Variants in CUL2 observed in about 807,000 individuals in gnomAD.
CUL2 encodes cullin 2, also known as cullin-2.
A neutral mutation model predicts 110.2 loss-of-function variants in CUL2; 22 were observed. The observed-to-expected ratio is 0.20, with a 90% CI of 0.14 to 0.28. The LOEUF is 0.28. Among genes scored for constraint, CUL2 ranks in the 10% least tolerant of loss-of-function variants. The probability of loss-of-function intolerance (pLI) is 1.00; values close to 1 mark genes in which losing one functional copy is unlikely to be tolerated. For synonymous variants in CUL2, 279 were observed against 293.2 expected (o/e 0.95, Z 0.49); for missense variants, 631 against 905.5 (o/e 0.70, Z 3.89).
chr10:35,030,963 C>T (rs1428253662), intron 14 of CUL2, among the ~76,000 whole-genome samples: 1 of 152,102 alleles, frequency 6.6e-6, no homozygotes, highest in African/African-American at 2.4e-5. Context: ...AACCTGCTAC[C>T]ACTTATCGGT....
chr10:35,077,509 TAATAA>T (rs1448300534), intron 1 of CUL2, among the ~76,000 whole-genome samples: 3 of 150,526 alleles, frequency 2.0e-5, no homozygotes, highest in Non-Finnish European at 4.4e-5. Flanking sequence ...AAAATAATAA[TAATAA>T]AATAAAAAGA....
At chr10:35,074,260 A>G (rs1031001603) in intron 1 of CUL2, 12 of 1,507,086 alleles carry the variant, frequency 8.0e-6, no homozygotes, top group African/African-American at 1.4e-5. Context: ...TTCTACAGAC[A>G]GCATTCAGTT....
chr10:35,032,558 A>G (rs1287931942), intron 11 of CUL2, 64 bp from the exon 12 acceptor site: 3 of 1,291,724 alleles, frequency 2.3e-6, no homozygotes, highest in Non-Finnish European at 3.2e-6. Context: ...CTAGTTCAAT[A>G]TAAGCCATAA....
intron 2 of CUL2, among the ~76,000 whole-genome samples, 156 bp downstream of exon 2, chr10:35,071,043 A>C (rs2086663808): frequency 6.6e-6 from 1 of 152,208 alleles, no homozygotes; most frequent in African/African-American, 2.4e-5. Context: ...TCAAATACTG[A>C]TTGCCATAAA....
chr10:35,118,141 T>A (rs974687226), intron 1 of CUL2: 8 of 152,228 alleles, frequency 5.3e-5, no homozygotes, highest in Non-Finnish European at 1.0e-4. Context: ...ACCATTATAG[T>A]ATCATGCAGA....
intron 8 of CUL2, 26 bp downstream of exon 8, chr10:35,044,540 T>A (rs574893024): frequency 9.3e-6 from 13 of 1,405,282 alleles, no homozygotes; most frequent in Non-Finnish European, 1.3e-5. Context: ...AATAGATAAA[T>A]GTATTCGATA....
intron 8 of CUL2, among the ~76,000 whole-genome samples, chr10:35,044,051 C>CAAAA (rs534515519): frequency 2.5e-4 from 22 of 87,802 alleles, no homozygotes; most frequent in African/African-American, 9.1e-4. Context: ...ACCACATCTC[C>CAAAA]AAAAAAAAAA....
At chr10:35,085,424 C>T (rs931050183) in intron 1 of CUL2, among the ~76,000 whole-genome samples, 2 of 148,722 alleles carry the variant, frequency 1.3e-5, no homozygotes, top group African/African-American at 5.0e-5. Context: ...AGCGAGACAC[C>T]GTCCCAAAAA....
chr10:35,017,353 T>C (rs2085062533), intron 17 of CUL2, among the ~76,000 whole-genome samples: 1 of 151,868 alleles, frequency 6.6e-6, no homozygotes, highest in Non-Finnish European at 1.5e-5. Context: ...TTAATCTGAA[T>C]GTTTTCATAA....
At position 35,049,754 on chromosome 10, in the gene CUL2, A is replaced by G. The variant is rs746970624; in HGVS notation, c.435T>C (p.Asp145=). Reference sequence around the variant, plus strand: ...GTTCAACCATCAATTTCCTCCACATATCCAATGCTAGCTGCCGGGAAAAAC... The same window carrying G: ...GTTCAACCATCAATTTCCTCCACATGTCCAATGCTAGCTGCCGGGAAAAAC... The part of the protein sequence containing the change: ...PLMEIGELAL[D]MWRKLMVEPL... Residue 145 remains aspartate, a synonymous_variant, in exon 6 of 21, where the codon GAT becomes GAC. Transcript: ENST00000374749. 2 of 1,612,394 alleles carry G rather than the reference A, an allele frequency of 1.2e-6. No homozygotes were observed. The highest frequency in any genetic ancestry group is 1.7e-6 in the Non-Finnish European group (2 of 1,179,032).
upstream of CUL2, among the ~76,000 whole-genome samples, chr10:35,094,026 C>CT: frequency 6.6e-6 from 1 of 152,050 alleles, no homozygotes; most frequent in South Asian, 2.1e-4. Flanking sequence ...AATACAATAA[C>CT]TATTTATAGA....
In CUL2 at chr10:35,106,584, G is replaced by A. The variant is rs556870739; in HGVS notation, c.-50-5524C>T. Among the ~76,000 whole-genome samples the A allele has an allele frequency of 6.0e-5, 9 of 151,082 alleles. No homozygotes were observed. The East Asian group carries it at 1.6e-3, about 26-fold the overall frequency. On this transcript the variant is annotated intron_variant, in intron 1 of 5. Coordinates refer to the CUL2 transcript ENST00000685421. Reference sequence around the variant, plus strand: ...CCTGACCTCATGATCCGCCCACCTCGGCCTCCCAAAGTGCTGGGATTACAG... The same window carrying A: ...CCTGACCTCATGATCCGCCCACCTCAGCCTCCCAAAGTGCTGGGATTACAG...
chr10:35,125,666 TATC>T (rs1233217664), intron 1 of CUL2, among the ~76,000 whole-genome samples: 1 of 152,264 alleles, frequency 6.6e-6, no homozygotes, highest in Admixed American at 6.5e-5. Context: ...CGATTTTTGT[TATC>T]ATCAATATTA....
intron 19 of CUL2, among the ~76,000 whole-genome samples, chr10:35,012,361 C>G (rs2084924596): frequency 6.6e-6 from 1 of 152,140 alleles, no homozygotes; most frequent in South Asian, 2.1e-4. Context: ...AAGGAGGACA[C>G]AGCAATAATT....
At chr10:35,059,966 T>C (rs1015213742) in intron 4 of CUL2, among the ~76,000 whole-genome samples, 3 of 152,186 alleles carry the variant, frequency 2.0e-5, no homozygotes, top group African/African-American at 7.2e-5. Flanking sequence ...ACCAATTTAA[T>C]AGTACTAATT....
At chr10:35,056,547 G>A (rs1240188170) in intron 4 of CUL2, among the ~76,000 whole-genome samples, 1 of 152,072 alleles carries the variant, frequency 6.6e-6, no homozygotes, top group African/African-American at 2.4e-5. Context: ...CTCAGGAGAG[G>A]TCTTCCACTC....
At chr10:35,057,284 A>T (rs1310724098) in intron 4 of CUL2, among the ~76,000 whole-genome samples, 1 of 152,094 alleles carries the variant, frequency 6.6e-6, no homozygotes, top group Non-Finnish European at 1.5e-5. Flanking sequence ...ATAAAATTTA[A>T]ACTAACTTAC....
At position 35,062,923 on chromosome 10, in the gene CUL2, A is replaced by G. The variant is rs758128541; in HGVS notation, c.222+37T>C. 8.6e-6 allele frequency: 10 copies of G among 1,166,034 alleles called. No homozygotes were observed. The East Asian group carries it at 2.3e-4, about 27-fold the overall frequency. The allele number at this position is 1,166,034 out of a possible 1,614,324, so 72.2% of individuals were successfully genotyped here. A position where few individuals can be genotyped will look rare whatever the true frequency, so the allele number is the denominator to read the frequency against. On this transcript the variant is annotated intron_variant, in intron 3 of 20. Coordinates refer to ENST00000374749, the MANE Select transcript of CUL2 (RefSeq NM_003591.4). ...CAGTAAACTAGTAAAGTATACAACT[A>G]TCAACATATTTATATCACGTATGTA...
At chr10:35,029,677 G>A in intron 14 of CUL2, 37 bp from the exon 15 acceptor site, 6 of 1,466,672 alleles carry the variant, frequency 4.1e-6, no homozygotes, top group Admixed American at 2.2e-5. Context: ...GAATTCAAAA[G>A]AAAAATAATA....
Sources: gnomAD v4.1 joint callset for allele counts (sites outside exome capture counted in the v4.1 genomes callset) on GRCh38, gnomAD v4.1.1 for gene constraint, MANE v1.5 for transcripts, NCBI Gene and HGNC (gene_info 2026-07-23, HGNC 2026-07-21) for gene names.